Variants in DLGAP2 observed in about 807,000 individuals in gnomAD.
DLGAP2 encodes the protein disks large-associated protein 2.
A neutral mutation model predicts 100.3 loss-of-function variants in DLGAP2; 26 were observed. The observed-to-expected ratio is 0.26, with a 90% CI of 0.19 to 0.36. The LOEUF is 0.36. Among genes scored for constraint, DLGAP2 ranks in the 10% least tolerant of loss-of-function variants. The pLI, the probability that DLGAP2 is intolerant of heterozygous loss-of-function variation, is 1.00. For missense variants in DLGAP2, 1,858 were observed against 1,453.2 expected (o/e 1.28, Z -4.53); for synonymous variants, 886 against 630.1 (o/e 1.41, Z -6.08).
chr8:805,657 G>T (rs13256633), intron 1 of DLGAP2, among the ~76,000 whole-genome samples: 37,764 of 152,060 alleles, frequency 0.25, 5,842 homozygotes, highest in African/African-American at 0.44. Context: ...ACCCAGGCTG[G>T]AGGGCAGTGG....
intron 3 of DLGAP2, among the ~76,000 whole-genome samples, chr8:1,491,690 G>A (rs543920734): frequency 2.6e-5 from 4 of 152,286 alleles, no homozygotes; most frequent in Admixed American, 6.5e-5. Flanking sequence ...CTTTTCATGC[G>A]AACAATGTTC....
At chr8:1,301,748 C>T (rs1204723017) in intron 3 of DLGAP2, 1 of 152,250 alleles carries the variant, frequency 6.6e-6, no homozygotes, top group Non-Finnish European at 1.5e-5. Flanking sequence ...GAAGGAGGCT[C>T]TGGGCTTGTT....
chr8:928,877 C>G (rs1329815012), intron 2 of DLGAP2, among the ~76,000 whole-genome samples: 1 of 151,932 alleles, frequency 6.6e-6, no homozygotes, highest in East Asian at 1.9e-4. Flanking sequence ...TCTGGGCTTA[C>G]ACCAGGGTAG....
rs1232867885 is a variant in DLGAP2, at chr8:1,549,200, C to A, written c.747C>A (p.Ser249=). The A allele has an allele frequency of 3.7e-6, 6 of 1,601,508 alleles. No homozygotes were observed. In the South Asian group the frequency reaches 6.7e-5, roughly 18 times the overall value. ...CCAAGTCGCACTCGCTGGAGGGCTCCTCCAAAAGCAACGCCAACGGCACCA... is the reference window on the plus strand; with the variant it reads ...CCAAGTCGCACTCGCTGGAGGGCTCATCCAAAAGCAACGCCAACGGCACCA... ...LFTKSHSLEG[S]SKSNANGTKA... The change falls in exon 5 of 15, where the codon TCC becomes TCA. Residue 249 remains serine, a synonymous_variant. Coordinates refer to ENST00000637795, the MANE Select transcript of DLGAP2 (RefSeq NM_001346810.2).
chr8:899,144 C>T (rs1224225461), intron 1 of DLGAP2, among the ~76,000 whole-genome samples: 4 of 152,222 alleles, frequency 2.6e-5, no homozygotes, highest in Non-Finnish European at 5.9e-5. Flanking sequence ...ACGCCACTGA[C>T]GCCGCATCTC....
chr8:1,665,536 A>ATGTAAC (rs1554426349), intron 8 of DLGAP2, among the ~76,000 whole-genome samples: 3 of 151,964 alleles, frequency 2.0e-5, no homozygotes, highest in African/African-American at 7.3e-5. Flanking sequence ...CCAAAGAAAA[A>ATGTAAC]TATAATAAGG....
At chr8:1,020,995 T>C (rs1801608761) in intron 2 of DLGAP2, among the ~76,000 whole-genome samples, 1 of 152,232 alleles carries the variant, frequency 6.6e-6, no homozygotes, top group Non-Finnish European at 1.5e-5. Flanking sequence ...ATGCACCTTT[T>C]ATAGATAAAC....
At chr8:1,110,576 G>T (rs574470491) in intron 2 of DLGAP2, among the ~76,000 whole-genome samples, 2 of 152,200 alleles carry the variant, frequency 1.3e-5, no homozygotes, top group African/African-American at 4.8e-5. Context: ...TGTGAAGTGT[G>T]CATGGGTCTT....
At chr8:1,130,049 G>T (rs1373880395) in intron 2 of DLGAP2, among the ~76,000 whole-genome samples, 1 of 151,788 alleles carries the variant, frequency 6.6e-6, no homozygotes, top group Non-Finnish European at 1.5e-5. Context: ...ACAAGTTAAG[G>T]GATCATGTCG....
At chr8:1,416,404 A>T (rs989266940) in intron 3 of DLGAP2, among the ~76,000 whole-genome samples, 1 of 152,160 alleles carries the variant, frequency 6.6e-6, no homozygotes, top group Non-Finnish European at 1.5e-5. Context: ...GCGATACTAC[A>T]GTTTCTGAGG....
intron 6 of DLGAP2, among the ~76,000 whole-genome samples, chr8:1,577,024 A>G (rs1450888382): frequency 2.6e-5 from 4 of 152,232 alleles, no homozygotes; most frequent in Non-Finnish European, 5.9e-5. Flanking sequence ...AAACTATACT[A>G]CAGGCTACAG....
chr8:1,326,053 C>G (rs961022468), intron 3 of DLGAP2, among the ~76,000 whole-genome samples: 1 of 152,184 alleles, frequency 6.6e-6, no homozygotes, highest in South Asian at 2.1e-4. Flanking sequence ...GTTCAATAAG[C>G]AGGAAAAATG....
At chr8:1,189,156 C>T (rs1585135341) in intron 2 of DLGAP2, among the ~76,000 whole-genome samples, 1 of 145,128 alleles carries the variant, frequency 6.9e-6, no homozygotes, top group East Asian at 2.0e-4. Flanking sequence ...TGAGCATACA[C>T]AGGGTTCGGG....
At chr8:1,042,557 C>T (rs1055526924) in intron 2 of DLGAP2, among the ~76,000 whole-genome samples, 2 of 152,126 alleles carry the variant, frequency 1.3e-5, no homozygotes, top group African/African-American at 2.4e-5. Flanking sequence ...AAAGCACCGC[C>T]GGTATTGAGT....
In DLGAP2 at chr8:912,655, A is replaced by T. The variant is rs1388323015; in HGVS notation, c.73+4689A>T. Among the ~76,000 whole-genome samples the T allele has an allele frequency of 1.1e-4, 15 of 140,634 alleles. No individual in the cohort carries two copies. In the Admixed American group the frequency reaches 1.1e-3, roughly 10 times the overall value. 92.3% of individuals were successfully genotyped at this position (140,634 alleles called of 152,430 possible). A position where few individuals can be genotyped will look rare whatever the true frequency, so the allele number is the denominator to read the frequency against. ...TCTGTGGAGCTGAGCCCCACACCACAGTGTCCATCTTCCTATCTGTGGAGC... is the reference window on the plus strand; with the variant it reads ...TCTGTGGAGCTGAGCCCCACACCACTGTGTCCATCTTCCTATCTGTGGAGC... On this transcript the variant is annotated intron_variant, in intron 2 of 14. Coordinates refer to ENST00000637795, the MANE Select transcript of DLGAP2 (RefSeq NM_001346810.2).
chr8:1,275,850 T>TATATAATATATAA (rs1799675546), intron 3 of DLGAP2, among the ~76,000 whole-genome samples: 2 of 120,492 alleles, frequency 1.7e-5, no homozygotes, highest in Non-Finnish European at 3.2e-5. Flanking sequence ...TATATAAATA[T>TATATAATATATAA]ATATAATATA....
chr8:896,750 G>A (rs1015647230), intron 1 of DLGAP2, among the ~76,000 whole-genome samples: 1 of 152,144 alleles, frequency 6.6e-6, no homozygotes, highest in South Asian at 2.1e-4. Context: ...TCACCTCCGC[G>A]CTGGACCTGC....
intron 3 of DLGAP2, among the ~76,000 whole-genome samples, chr8:1,384,664 AC>A (rs1333662009): frequency 1.1e-4 from 13 of 118,268 alleles, no homozygotes; most frequent in Non-Finnish European, 1.0e-4. Context: ...ATGCACAGTT[AC>A]CCCGGCCTGT....
intron 3 of DLGAP2, among the ~76,000 whole-genome samples, chr8:1,456,036 AT>A (rs1329402400): frequency 6.6e-6 from 1 of 152,150 alleles, no homozygotes; most frequent in Non-Finnish European, 1.5e-5. Context: ...CCGCTCGCTG[AT>A]TGGATTCTGA....
Sources: allele counts gnomAD v4.1 joint callset (sites outside exome capture counted in the v4.1 genomes callset), GRCh38; gene constraint gnomAD v4.1.1; transcripts MANE v1.5; gene names NCBI Gene and HGNC (gene_info 2026-07-23, HGNC 2026-07-21).